Variants in PDE8B observed in about 807,000 individuals in gnomAD.
PDE8B encodes phosphodiesterase 8B, also known as high affinity cAMP-specific and IBMX-insensitive 3',5'-cyclic phosphodiesterase 8B.
Under a neutral mutation model 101.3 loss-of-function variants are expected in PDE8B, and 26 were observed. That is an observed-to-expected ratio of 0.26 (90% CI 0.19 to 0.36). The LOEUF (loss-of-function observed/expected upper bound fraction) is 0.36. Ranked by LOEUF, PDE8B falls within the 10% of genes least tolerant of loss-of-function variation. The pLI, the probability that PDE8B is intolerant of heterozygous loss-of-function variation, is 1.00. For missense variants in PDE8B, 810 were observed against 1,163.1 expected (o/e 0.70, Z 4.42); for synonymous variants, 424 against 429.3 (o/e 0.99, Z 0.15).
At chr5:77,108,673 A>G in the PDE8B span, among the ~76,000 whole-genome samples, 1 of 152,140 alleles carries the variant, frequency 6.6e-6, no homozygotes, top group Non-Finnish European at 1.5e-5. Context: ...ACAAAGCGAG[A>G]CTCTGTCTCA....
At chr5:77,410,699 T>G (rs997070586) in intron 14 of PDE8B, 1 of 152,072 alleles carries the variant, frequency 6.6e-6, no homozygotes, top group African/African-American at 2.4e-5. Context: ...TACTTCTGTA[T>G]TTACTCAGTT....
chr5:77,391,373 ATGC>A (rs757081716), intron 10 of PDE8B, among the ~76,000 whole-genome samples: 3 of 152,168 alleles, frequency 2.0e-5, no homozygotes, highest in Non-Finnish European at 2.9e-5. Flanking sequence ...CTGACGGCAG[ATGC>A]TGCTGCAGCC....
At chr5:77,121,028 A>G in the PDE8B span, among the ~76,000 whole-genome samples, 1 of 152,218 alleles carries the variant, frequency 6.6e-6, no homozygotes, top group African/African-American at 2.4e-5. Flanking sequence ...AGTGCTCCAG[A>G]AGTATTGTGT....
Position 77,376,048 on chromosome 5 carries a change from A to G in PDE8B, c.1167+22642A>G, listed in dbSNP as rs147278193. ...GCTGGGATTACAGGCATGTGCCACC[A>G]CGCCTGGCTAATTTTGTATTTTTAG... On this transcript the variant is annotated intron_variant, in intron 10 of 21. Coordinates refer to ENST00000264917, the MANE Select transcript of PDE8B (RefSeq NM_003719.5). 1.5e-3 allele frequency among the ~76,000 whole-genome samples: 225 copies of G among 151,918 alleles called. 1 individual carries two copies. The highest frequency in any genetic ancestry group is 5.1e-3 in the African/African-American group (213 of 41,434).
rs75213187 is a variant in PDE8B at position 77,408,571 on chromosome 5, A to G, written c.1366-322A>G. ...TATAGGTGTCCAAAGTCGTGGAGAC[A>G]AAATATCATTTCTGGAAGCGAGAGA... On this transcript the variant is annotated intron_variant, in intron 13 of 21. Transcript: ENST00000264917. Among the ~76,000 whole-genome samples the G allele has an allele frequency of 2.2e-4, 33 of 152,286 alleles. No individual in the cohort carries two copies. In the East Asian group the frequency reaches 6.4e-3, roughly 29 times the overall value.
In PDE8B at chr5:77,210,886, C is replaced by CGCGGGCGCGG; in HGVS notation, c.-30_-21dup. ...AGCGGGTGCGCTGGGTCCCGGCGGC[C>CGCGGGCGCGG]GCGGGCGCGGGCGGGCGCGCGGGGG... On this transcript the variant is annotated 5_prime_UTR_variant, in exon 1 of 22. Transcript: ENST00000264917. This position sits in a 1 kb window ranked among gnomAD's most constrained non-coding sequence, Gnocchi z 4.9. The CGCGGGCGCGG allele has an allele frequency of 1.6e-6, 2 of 1,246,584 alleles. No individual in the cohort carries two copies. The highest frequency in any genetic ancestry group is 2.0e-6 in the Non-Finnish European group (2 of 1,000,372). The allele number at this position is 1,246,584 out of a possible 1,614,324, so 77.2% of individuals were successfully genotyped here.
At chr5:77,330,646 C>T (rs1422543663) in intron 4 of PDE8B, among the ~76,000 whole-genome samples, 2 of 152,138 alleles carry the variant, frequency 1.3e-5, no homozygotes, top group African/African-American at 2.4e-5. Context: ...TTTCTATCTG[C>T]GTTTCCACCC....
chr5:77,423,825 T>C (rs1561700241), intron 20 of PDE8B, among the ~76,000 whole-genome samples: 1 of 151,730 alleles, frequency 6.6e-6, no homozygotes, highest in Non-Finnish European at 1.5e-5. Flanking sequence ...TTAGTAGAGA[T>C]GGGGTTTCCC....
intron 5 of PDE8B, among the ~76,000 whole-genome samples, chr5:77,332,730 A>G (rs1199489040): frequency 6.6e-6 from 1 of 151,862 alleles, no homozygotes; most frequent in Non-Finnish European, 1.5e-5. Flanking sequence ...CCAGCTACTC[A>G]GGAGGCTGAG....
chr5:77,422,462 G>A (rs555228428), intron 20 of PDE8B, among the ~76,000 whole-genome samples: 144 of 152,236 alleles, frequency 9.5e-4, no homozygotes, highest in African/African-American at 3.1e-3. Flanking sequence ...TGCTACAGAC[G>A]TTCAGAGAGA....
chr5:77,239,579 T>G (rs887319193), intron 1 of PDE8B, among the ~76,000 whole-genome samples: 1 of 152,220 alleles, frequency 6.6e-6, no homozygotes, highest in Non-Finnish European at 1.5e-5. Flanking sequence ...AACACCAATC[T>G]TTTCTCTCCT....
intron 1 of PDE8B, among the ~76,000 whole-genome samples, chr5:77,292,670 T>C (rs939809845): frequency 6.6e-6 from 1 of 152,224 alleles, no homozygotes; most frequent in Non-Finnish European, 1.5e-5. Flanking sequence ...TGTATTTGTT[T>C]TGAGCATTGC....
chr5:77,165,782 G>T, the PDE8B span, among the ~76,000 whole-genome samples: 1 of 151,952 alleles, frequency 6.6e-6, no homozygotes, highest in African/African-American at 2.4e-5. Context: ...AAGCTGGGCG[G>T]ATCACTTGAG....
the PDE8B span, among the ~76,000 whole-genome samples, chr5:77,120,569 A>T: frequency 6.6e-6 from 1 of 152,254 alleles, no homozygotes; most frequent in Non-Finnish European, 1.5e-5. Flanking sequence ...AGATAAATGG[A>T]TATACGTATG....
chr5:77,426,780 T>C lies in PDE8B; in HGVS notation c.*226T>C. On this transcript the variant is annotated 3_prime_UTR_variant, in exon 22 of 22. Transcript: ENST00000264917. ...GAATACTTAATGACAGAACAAATACTTGGCAAACTCCTTTGCTCTGCTGTC... is the reference window on the plus strand; with the variant it reads ...GAATACTTAATGACAGAACAAATACCTGGCAAACTCCTTTGCTCTGCTGTC... The C allele has an allele frequency of 2.0e-6, 1 of 508,894 alleles. No individual in the cohort carries two copies. 31.5% of individuals were successfully genotyped at this position (508,894 alleles called of 1,614,324 possible).
chr5:77,114,616 C>T, the PDE8B span: 1 of 151,932 alleles, frequency 6.6e-6, no homozygotes, highest in African/African-American at 2.4e-5. Flanking sequence ...ACCTATGTAA[C>T]AAACCTGCAC....
At chr5:77,291,434 T>C in intron 1 of PDE8B, 1 of 1,611,536 alleles carries the variant, frequency 6.2e-7, no homozygotes, top group Non-Finnish European at 8.5e-7. Context: ...TGACAGGTCT[T>C]GCCCACGATG....
chr5:77,391,601 A>G (rs7733908), intron 10 of PDE8B, among the ~76,000 whole-genome samples: 57,151 of 152,096 alleles, frequency 0.38, 11,337 homozygotes, highest in East Asian at 0.67. Context: ...AGTGGCTGGC[A>G]TACATTTCCA....
At chr5:77,390,000 A>G (rs1307157573) in intron 10 of PDE8B, among the ~76,000 whole-genome samples, 1 of 152,180 alleles carries the variant, frequency 6.6e-6, no homozygotes, top group Non-Finnish European at 1.5e-5. Context: ...TTTTAAAAGA[A>G]ACTGGCAGGC....
Sources: allele counts gnomAD v4.1 joint callset (sites outside exome capture counted in the v4.1 genomes callset), GRCh38; gene constraint gnomAD v4.1.1; non-coding constraint Gnocchi (gnomAD v3.1); transcripts MANE v1.5; gene names NCBI Gene and HGNC (gene_info 2026-07-23, HGNC 2026-07-21).